MROH6: variants seen among roughly 807,000 people sequenced by gnomAD.
MROH6 encodes the protein maestro heat-like repeat-containing protein family member 6.
In MROH6, 62 loss-of-function variants were observed where a neutral mutation model predicts 67.7. The ratio of observed to expected loss-of-function variants is 0.92; its 90% CI spans 0.75 to 1.13. The LOEUF (loss-of-function observed/expected upper bound fraction) is 1.13. MROH6 is among the 50% of genes most tolerant of loss of function. The pLI is 0.00. For synonymous variants in MROH6, 566 were observed against 470.8 expected (o/e 1.20, Z -2.62); for missense variants, 1,175 against 1,029.1 (o/e 1.14, Z -1.94).
intron 4 of MROH6, 109 bp from the exon 5 acceptor site, chr8:143,570,766 G>A (rs1399236122): frequency 5.0e-6 from 7 of 1,411,552 alleles, no homozygotes; most frequent in Non-Finnish European, 6.7e-6. Flanking sequence ...GACACGCATG[G>A]GACATTCCAG....
Position 143,570,306 on chromosome 8 carries a change from G to T in MROH6, c.980C>A (p.Ala327Glu), listed in dbSNP as rs1563918833. ...GRMVVTCMEQ[A>E]GGWRRLVGAH... Reference sequence around the variant, plus strand: ...TCCCACCAGCCTCCTCCAGCCTCCTGCCTGCTCCATGCACGTGACCACCAT... The same window carrying T: ...TCCCACCAGCCTCCTCCAGCCTCCTTCCTGCTCCATGCACGTGACCACCAT... Residue 327 changes from alanine to glutamate, a missense_variant, in exon 6 of 14, where the codon GCA becomes GAA. Ala to Glu is a moderately radical substitution (Grantham distance 107). Transcript: ENST00000398882. 1.2e-6 allele frequency: 2 copies of T among 1,608,870 alleles called. No homozygotes were observed. Among genetic ancestry groups the T allele is most frequent in the South Asian group, 2.2e-5 (2 of 90,920 alleles).
At chr8:143,571,560 A>T in intron 3 of MROH6, 107 bp downstream of exon 3, 3 of 1,412,686 alleles carry the variant, frequency 2.1e-6, no homozygotes, top group South Asian at 1.3e-5. Flanking sequence ...TGGAATAAGG[A>T]GGCCCTGCCC....
In MROH6 at chr8:143,567,247, G is replaced by T; in HGVS notation, c.2152C>A (p.Arg718=). 2 of 1,221,426 alleles carry T rather than the reference G, an allele frequency of 1.6e-6. No homozygotes were observed. The highest frequency in any genetic ancestry group is 6.4e-4 in the Middle Eastern group (2 of 3,140). 75.7% of individuals were successfully genotyped at this position (1,221,426 alleles called of 1,614,324 possible). A position where few individuals can be genotyped will look rare whatever the true frequency, so the allele number is the denominator to read the frequency against. Reference sequence around the variant, plus strand: ...GGCCCCAGCCCCGAGCCTCAGGCTCGGCGGGGTCCGGAGCAGCCCCAGCGG... The same window carrying T: ...GGCCCCAGCCCCGAGCCTCAGGCTCTGCGGGGTCCGGAGCAGCCCCAGCGG... ...AGRWGCSGPR[R]A Residue 718 remains arginine (R), a synonymous_variant, in exon 14 of 14, where the codon CGA becomes AGA. Transcript: ENST00000398882.
rs778496653 is a variant in MROH6, at chr8:143,570,533, G to A, written c.845C>T (p.Ser282Phe). 2 of 1,612,134 alleles carry A rather than the reference G, an allele frequency of 1.2e-6. No homozygotes were observed. Among genetic ancestry groups the A allele is most frequent in the Non-Finnish European group, 1.7e-6 (2 of 1,179,842 alleles). Reference sequence around the variant, plus strand: ...AACCCAAATCTTGGGCATGTCGGGGGAGCACGGGCTGCGGGCCAGCTTGTG... The same window carrying A: ...AACCCAAATCTTGGGCATGTCGGGGAAGCACGGGCTGCGGGCCAGCTTGTG... ...QLHKLARSPC[S>F]PDMPKIWVLS... The change falls in exon 5 of 14, where the codon TCC becomes TTC. Residue 282 changes from serine (S) to phenylalanine (F), a missense_variant. Coordinates refer to ENST00000398882, the MANE Select transcript of MROH6 (RefSeq NM_001100878.2).
chr8:143,567,522 C>T (rs1823690794), intron 13 of MROH6, 57 bp from the exon 14 acceptor site: 2 of 1,458,502 alleles, frequency 1.4e-6, no homozygotes, highest in Admixed American at 4.8e-5. Flanking sequence ...TGCCCGGGCC[C>T]CTGGCCCTCC....
intron 10 of MROH6, 133 bp downstream of exon 10, chr8:143,568,419 G>T (rs1232251218): frequency 1.4e-6 from 2 of 1,429,770 alleles, no homozygotes; most frequent in African/African-American, 2.9e-5. Flanking sequence ...TAGTAACCTG[G>T]CCGCCCGTCA....
At chr8:143,571,131 C>A in intron 3 of MROH6, 137 bp from the exon 4 acceptor site, 1 of 650,662 alleles carries the variant, frequency 1.5e-6, no homozygotes, top group Non-Finnish European at 2.7e-6. Context: ...CATCTCCCCC[C>A]ATCCCCAAAT....
intron 2 of MROH6, 92 bp from the exon 3 acceptor site, chr8:143,571,913 C>T (rs1346411768): frequency 1.5e-6 from 2 of 1,307,188 alleles, no homozygotes; most frequent in African/African-American, 3.0e-5. Flanking sequence ...CCACCCTGAT[C>T]CCGCCTGGCA....
chr8:143,569,430 CG>C lies in MROH6; in HGVS notation c.1476+10del. 2 of 1,430,780 alleles carry C rather than the reference CG, an allele frequency of 1.4e-6. No homozygotes were observed. The highest frequency in any genetic ancestry group is 5.8e-5 in the Admixed American group (2 of 34,318). 88.6% of individuals were successfully genotyped at this position (1,430,780 alleles called of 1,614,324 possible). ...GCAGGGGCGGGACCCGGAGGCGGGG[CG>C]TTTGCTCACGTCGTCCAGTAGCGGA... is the stretch of plus-strand genomic sequence containing the variant. On this transcript the variant is annotated intron_variant, in intron 9 of 13. Coordinates refer to ENST00000398882, the MANE Select transcript of MROH6 (RefSeq NM_001100878.2).
chr8:143,569,485 G>A lies in MROH6; in HGVS notation c.1432C>T (p.Leu478=), dbSNP rs908078357. 35 of 1,480,328 alleles carry A rather than the reference G, an allele frequency of 2.4e-5. 1 individual carries two copies. The East Asian group carries it at 8.8e-4, about 37-fold the overall frequency. 91.7% of individuals were successfully genotyped at this position (1,480,328 alleles called of 1,614,324 possible). Residue 478 remains leucine (L), a synonymous_variant, in exon 9 of 14, where the codon CTG becomes TTG. Transcript: ENST00000398882. ...LLRPRAPVRL[L]SAELGPRLPP... ...AGGCGCGGTCCCAGCTCCGCGCTCA[G>A]GAGCCGCACAGGCGCCCGGGGCCGC...
Position 143,568,647 on chromosome 8 carries a change from G to A in MROH6, c.1549C>T (p.Arg517Trp), listed in dbSNP as rs1587010472. ...CGCAGGGGGCCGCGGAGCCCCAGCC[G>A]GAGCCCGCCCCGGCCCCGGCGCACC... Reference protein sequence around the residue: ...TLVRRGRGGLRLGLRGPLRKL... With the variant: ...TLVRRGRGGLWLGLRGPLRKL... Residue 517 changes from arginine to tryptophan, a missense_variant, in exon 10 of 14, where the codon CGG becomes TGG. Transcript: ENST00000398882. 1 of 1,534,004 alleles carries A rather than the reference G, an allele frequency of 6.5e-7. No homozygotes were observed. The highest frequency in any genetic ancestry group is 8.7e-7 in the Non-Finnish European group (1 of 1,145,440).
At chr8:143,568,088 A>G (rs1823736330) in intron 11 of MROH6, 54 bp downstream of exon 11, 1 of 1,546,690 alleles carries the variant, frequency 6.5e-7, no homozygotes, top group African/African-American at 1.4e-5. Flanking sequence ...GAACCCTGGA[A>G]CAAGTGGGCT....
rs896948396 is a variant in MROH6, at chr8:143,570,645, G to A, written c.733C>T (p.Leu245Phe). The change falls in exon 5 of 14, where the codon CTT (leucine) becomes TTT (phenylalanine). Residue 245 changes from leucine to phenylalanine, a missense_variant. Transcript: ENST00000398882. ...EPQALAATRA[L>F]GEMLAVSGCV... ...CCCGAAACAGCCAGCATCTCCCCAAGAGCACGTGTGGCCTGTGGAGCAAGT... is the reference window on the plus strand; with the variant it reads ...CCCGAAACAGCCAGCATCTCCCCAAAAGCACGTGTGGCCTGTGGAGCAAGT... 2.5e-6 allele frequency: 4 copies of A among 1,596,618 alleles called. No individual in the cohort carries two copies. In the African/African-American group the frequency reaches 4.0e-5, roughly 16 times the overall value.
chr8:143,567,354 C>T lies in MROH6; in HGVS notation c.2045G>A (p.Arg682His), dbSNP rs1308442338. The T allele has an allele frequency of 1.7e-5, 21 of 1,220,130 alleles. No individual in the cohort carries two copies. The highest frequency in any genetic ancestry group is 1.2e-4 in the South Asian group (3 of 25,506). The allele number at this position is 1,220,130 out of a possible 1,614,324, so 75.6% of individuals were successfully genotyped here. A position where few individuals can be genotyped will look rare whatever the true frequency, so the allele number is the denominator to read the frequency against. The change falls in exon 14 of 14, where the codon CGC becomes CAC. Residue 682 changes from arginine (R) to histidine (H), a missense_variant. Transcript: ENST00000398882. ...GGGGCGCGGGGCGATGCGGAGAAGG[C>T]GGGGCCCGCGGGGGCAGCCCCGGGC... is the stretch of plus-strand genomic sequence containing the variant. ...ARARGCPRGP[R>H]LLRIAPRPAR...
chr8:143,570,193 C>CG, intron 6 of MROH6, 50 bp downstream of exon 6: 3 of 1,557,836 alleles, frequency 1.9e-6, no homozygotes, highest in Non-Finnish European at 2.6e-6. Context: ...TGGCCAGCAA[C>CG]GACTCTCTTC....
At position 143,569,966 on chromosome 8, in the gene MROH6, C is replaced by G. The variant is rs748232061; in HGVS notation, c.1143G>C (p.Met381Ile). ...GCAGGCTCACCCCTGTGAAGAAGGCCATAGCCGTGAGACGCTGCGGGTCGT... is the reference window on the plus strand; with the variant it reads ...GCAGGCTCACCCCTGTGAAGAAGGCGATAGCCGTGAGACGCTGCGGGTCGT... ...SADDPQRLTA[M>I]AFFTGLLQSR... The change falls in exon 7 of 14, where the codon ATG (methionine) becomes ATC (isoleucine). Residue 381 changes from methionine (M) to isoleucine (I), a missense_variant. By Grantham distance (10) the Met-to-Ile change is conservative. Coordinates refer to ENST00000398882, the MANE Select transcript of MROH6 (RefSeq NM_001100878.2). 3.1e-6 allele frequency: 5 copies of G among 1,609,482 alleles called. No homozygotes were observed. Among genetic ancestry groups the G allele is most frequent in the Non-Finnish European group, 3.4e-6 (4 of 1,179,772 alleles).
Position 143,567,368 on chromosome 8 carries a change from G to T in MROH6, c.2031C>A (p.Cys677Ter). 1 of 1,225,830 alleles carries T rather than the reference G, an allele frequency of 8.2e-7. No individual in the cohort carries two copies. The highest frequency in any genetic ancestry group is 1.0e-6 in the Non-Finnish European group (1 of 983,058). The allele number at this position is 1,225,830 out of a possible 1,614,324, so 75.9% of individuals were successfully genotyped here. A position where few individuals can be genotyped will look rare whatever the true frequency, so the allele number is the denominator to read the frequency against. ...TGCGGAGAAGGCGGGGCCCGCGGGG[G>T]CAGCCCCGGGCACGGGCCAGCATCG... ...QVAMLARARG[C>*]PRGPRLLRIA... Residue 677 changes from cysteine to a stop codon, truncating the protein, a stop_gained, in exon 14 of 14, where the codon TGC becomes TGA. Transcript: ENST00000398882. LOFTEE classifies it low-confidence loss of function (END_TRUNC).
At chr8:143,568,367 C>A in intron 10 of MROH6, 106 bp from the exon 11 acceptor site, 2 of 1,476,576 alleles carry the variant, frequency 1.4e-6, no homozygotes, top group Non-Finnish European at 9.1e-7. Flanking sequence ...CAGAAGAGCC[C>A]AGGGCAGGAG....
Position 143,567,665 on chromosome 8 carries a change from G to C in MROH6, c.1879C>G (p.His627Asp). 1 of 1,577,414 alleles carries C rather than the reference G, an allele frequency of 6.3e-7. No homozygotes were observed. Residue 627 changes from histidine (H) to aspartate (D), a missense_variant, in exon 13 of 14, where the codon CAC becomes GAC. Transcript: ENST00000398882. ...TTGACACAGCCGGGGCTGGCGTGGTGGACAAGGAAGCCTGGACCACAGCAG... is the reference window on the plus strand; with the variant it reads ...TTGACACAGCCGGGGCTGGCGTGGTCGACAAGGAAGCCTGGACCACAGCAG... ...AAAVLIGFLV[H>D]HASPGCVNQD... is the part of the protein sequence containing the mutation.
Sources: allele counts gnomAD v4.1 joint callset, GRCh38; gene constraint gnomAD v4.1.1; transcripts MANE v1.5; gene names NCBI Gene and HGNC (gene_info 2026-07-23, HGNC 2026-07-21).